The following PCDHA4 variants were observed in gnomAD, a reference collection of about 807,000 sequenced individuals.
PCDHA4 encodes the protein protocadherin alpha-4.
In PCDHA4, 49 loss-of-function variants were observed where a neutral mutation model predicts 61.4. That is an observed-to-expected ratio of 0.80 (90% CI 0.63 to 1.01). The LOEUF (loss-of-function observed/expected upper bound fraction) is 1.01, where lower values mean the gene tolerates loss of function less well. Among genes scored for constraint, PCDHA4 ranks in the 50% least tolerant of loss-of-function variants. The pLI, the probability that PCDHA4 is intolerant of heterozygous loss-of-function variation, is 0.00. For missense variants in PCDHA4, 1,254 were observed against 1,235.8 expected (o/e 1.01, Z -0.22); for synonymous variants, 590 against 550.3 (o/e 1.07, Z -1.01).
intron 1 of PCDHA4, chr5:140,883,960 G>T (rs2059914384): frequency 3.1e-6 from 5 of 1,613,090 alleles, no homozygotes; most frequent in Non-Finnish European, 4.2e-6. Flanking sequence ...ACGCTCCGGC[G>T]CTGCTGACGC....
In PCDHA4 at chr5:140,823,396, G is replaced by T. The variant is rs17844295; in HGVS notation, c.2385+13824G>T. Reference sequence around the variant, plus strand: ...CCAGGTGAGCGCGCGCGACGCGGGCGTGCCGCCTCTGGGCAGCAACGTGAC... The same window carrying T: ...CCAGGTGAGCGCGCGCGACGCGGGCTTGCCGCCTCTGGGCAGCAACGTGAC... On this transcript the variant is annotated intron_variant, in intron 1 of 3. Transcript: ENST00000530339. 31 of 1,612,796 alleles carry T rather than the reference G, an allele frequency of 1.9e-5. No homozygotes were observed. The East Asian group carries it at 6.5e-4, about 34-fold the overall frequency.
chr5:140,850,659 C>G (rs782752701), intron 1 of PCDHA4: 1 of 1,598,246 alleles, frequency 6.3e-7, no homozygotes, highest in African/African-American at 1.3e-5. Context: ...CACTGTGCTG[C>G]GGTGCTCGGC....
chr5:140,851,277 A>C (rs1190417685), intron 1 of PCDHA4: 1 of 1,055,236 alleles, frequency 9.5e-7, no homozygotes, highest in East Asian at 4.9e-5. Flanking sequence ...TGTATTGTTT[A>C]TAAGAAACCC....
chr5:140,836,506 CCA>C, intron 1 of PCDHA4: 2 of 1,613,884 alleles, frequency 1.2e-6, no homozygotes, highest in Non-Finnish European at 1.7e-6. Context: ...TGCGCGGTGT[CCA>C]GTCTGTTGGT....
chr5:140,953,110 G>A (rs1384996852), intron 1 of PCDHA4, among the ~76,000 whole-genome samples: 2 of 152,074 alleles, frequency 1.3e-5, no homozygotes, highest in Non-Finnish European at 2.9e-5. Flanking sequence ...ATTTGGGCAG[G>A]GACACAGATC....
intron 1 of PCDHA4, chr5:140,882,561 G>T (rs2059195927): frequency 1.2e-6 from 2 of 1,614,222 alleles, no homozygotes; most frequent in East Asian, 4.5e-5. Context: ...CTGTGTGGGC[G>T]GAGCGCGGAG....
At chr5:140,940,349 C>T (rs1437069133) in intron 1 of PCDHA4, among the ~76,000 whole-genome samples, 14 of 152,156 alleles carry the variant, frequency 9.2e-5, no homozygotes, top group African/African-American at 2.9e-4. Flanking sequence ...GTGTGTCCAA[C>T]ATGCTATTAA....
Position 141,009,916 on chromosome 5 carries a change from G to T in PCDHA4, c.2823G>T (p.Thr941=). The change falls in exon 4 of 4, where the codon ACG becomes ACT. Residue 941 remains threonine, a synonymous_variant. Coordinates refer to ENST00000530339, the MANE Select transcript of PCDHA4 (RefSeq NM_018907.4). ...AGAAAAAAGAGAAAGGGAACAGCAC[G>T]ACTGACAACAGTGACCAGTGAGGTC... ...TQEKKEKGNS[T]TDNSDQ The T allele has an allele frequency of 6.2e-7, 1 of 1,611,502 alleles. No individual in the cohort carries two copies. Among genetic ancestry groups the T allele is most frequent in the South Asian group, 1.1e-5 (1 of 90,550 alleles).
intron 1 of PCDHA4, among the ~76,000 whole-genome samples, chr5:140,892,286 C>A (rs2063458721): frequency 1.3e-5 from 2 of 152,136 alleles, no homozygotes; most frequent in South Asian, 4.1e-4. Flanking sequence ...TTAAACACTT[C>A]TTCCTGGAAA....
At chr5:140,856,001 C>T (rs782376274) in intron 1 of PCDHA4, 7 of 1,515,190 alleles carry the variant, frequency 4.6e-6, no homozygotes, top group African/African-American at 1.4e-5. Context: ...ATCGTATGTG[C>T]GTTCTAGACC....
chr5:140,906,595 C>T (rs1341854347), intron 1 of PCDHA4, among the ~76,000 whole-genome samples: 1 of 152,218 alleles, frequency 6.6e-6, no homozygotes, highest in Non-Finnish European at 1.5e-5. Context: ...CCTTCCTCTA[C>T]TACTCATTCT....
At chr5:140,868,200 T>G (rs1280989116) in intron 1 of PCDHA4, 4 of 152,156 alleles carry the variant, frequency 2.6e-5, no homozygotes, top group African/African-American at 9.6e-5. Flanking sequence ...ATGGCTTACA[T>G]TAGAAATAAT....
chr5:140,881,555 A>G (rs2058748140), intron 1 of PCDHA4, among the ~76,000 whole-genome samples: 2 of 152,236 alleles, frequency 1.3e-5, no homozygotes, highest in South Asian at 2.1e-4. Context: ...TTGAATATAA[A>G]TATCTTATCT....
At chr5:140,827,753 TTTAAA>T (rs1769386712) in intron 1 of PCDHA4, among the ~76,000 whole-genome samples, 1 of 152,340 alleles carries the variant, frequency 6.6e-6, no homozygotes, top group South Asian at 2.1e-4. Context: ...GATCCCTTAC[TTTAAA>T]TTAATAAAAG....
intron 1 of PCDHA4, chr5:140,823,211 G>C (rs782216490): frequency 3.1e-6 from 5 of 1,613,796 alleles, no homozygotes; most frequent in African/African-American, 1.3e-5. Context: ...GTGTCTGCAC[G>C]GGACGCGGAC....
At chr5:140,967,159 G>A in intron 1 of PCDHA4, 2 of 1,610,752 alleles carry the variant, frequency 1.2e-6, no homozygotes, top group Non-Finnish European at 1.7e-6. Context: ...CCGTGGCGGT[G>A]AGCGCCGTTG....
chr5:140,981,625 C>T (rs1554243036), intron 2 of PCDHA4, among the ~76,000 whole-genome samples: 2 of 152,096 alleles, frequency 1.3e-5, no homozygotes, highest in Non-Finnish European at 2.9e-5. Context: ...TGAGGGTTTT[C>T]TTGGACATTT....
At chr5:140,997,918 A>G (rs2097790482) in intron 3 of PCDHA4, among the ~76,000 whole-genome samples, 1 of 152,220 alleles carries the variant, frequency 6.6e-6, no homozygotes, top group South Asian at 2.1e-4. Context: ...TTACAGAATC[A>G]TAGGATATAA....
chr5:140,984,458 C>T (rs1363789281), intron 3 of PCDHA4, among the ~76,000 whole-genome samples: 2 of 152,140 alleles, frequency 1.3e-5, no homozygotes, highest in African/African-American at 4.8e-5. Flanking sequence ...CTTACTGTCC[C>T]AGCCCCTCTT....
Sources: gnomAD v4.1 joint callset for allele counts (sites outside exome capture counted in the v4.1 genomes callset) on GRCh38, gnomAD v4.1.1 for gene constraint, MANE v1.5 for transcripts, NCBI Gene and HGNC (gene_info 2026-07-23, HGNC 2026-07-21) for gene names.